FMO5: variants seen among roughly 807,000 people sequenced by gnomAD.
FMO5 encodes the protein flavin-containing monooxygenase 5.
A neutral mutation model predicts 43.6 loss-of-function variants in FMO5; 51 were observed. That is an observed-to-expected ratio of 1.17 (90% CI 0.93 to 1.48). The LOEUF is 1.48. Ranked by LOEUF, FMO5 falls within the 40% of genes most tolerant of loss-of-function variation. The probability of loss-of-function intolerance (pLI) is 0.00; values close to 1 mark genes in which losing one functional copy is unlikely to be tolerated. For synonymous variants in FMO5, 187 were observed against 216.5 expected, an observed-to-expected ratio of 0.86 and a Z score of 1.20; for missense variants, 644 against 643.0, an observed-to-expected ratio of 1.00 and a Z score of -0.02.
chr1:147,190,968 A>G (rs782762815), intron 7 of FMO5, among the ~76,000 whole-genome samples: 3 of 152,006 alleles, frequency 2.0e-5, no homozygotes, highest in African/African-American at 4.8e-5. Context: ...TTTGCTGAGA[A>G]TGATGGTTTC....
intron 7 of FMO5, 100 bp downstream of exon 7, chr1:147,201,052 G>T: frequency 2.4e-6 from 2 of 833,230 alleles, no homozygotes; most frequent in Non-Finnish European, 1.9e-6. Flanking sequence ...AGGCACTGTT[G>T]TAATCATACA....
chr1:147,209,144 G>A (rs1474195382), intron 5 of FMO5, 93 bp from the exon 6 acceptor site: 5 of 1,095,238 alleles, frequency 4.6e-6, no homozygotes, highest in Non-Finnish European at 6.5e-6. Context: ...TTCAGGCCCG[G>A]CGCGGTGGCT....
intron 3 of FMO5, among the ~76,000 whole-genome samples, chr1:147,214,605 C>A (rs587750972): frequency 6.6e-4 from 100 of 152,232 alleles, no homozygotes; most frequent in African/African-American, 2.3e-3. Context: ...TAGACTCCTA[C>A]TCATCCTTCA....
intron 2 of FMO5, chr1:147,223,551 G>C (rs1440268001): frequency 6.5e-6 from 1 of 153,518 alleles, no homozygotes; most frequent in East Asian, 1.9e-4. Context: ...AGCCACCCAA[G>C]ATGCCAATAG....
intron 7 of FMO5, among the ~76,000 whole-genome samples, chr1:147,198,332 C>T (rs1658357908): frequency 6.6e-6 from 1 of 152,124 alleles, no homozygotes; most frequent in Admixed American, 6.5e-5. Context: ...GGCAAATAAA[C>T]ATGAGTCCTT....
upstream of FMO5, among the ~76,000 whole-genome samples, chr1:147,226,723 T>C (rs1664007152): frequency 6.6e-6 from 1 of 152,236 alleles, no homozygotes; most frequent in Admixed American, 6.5e-5. Context: ...CCTGCTAATC[T>C]TGGACTTTTT....
chr1:147,223,073 C>T (rs1233621275), intron 2 of FMO5, among the ~76,000 whole-genome samples: 1 of 152,128 alleles, frequency 6.6e-6, no homozygotes, highest in Non-Finnish European at 1.5e-5. Context: ...TATTATTATC[C>T]ACTTCTTAAA....
At chr1:147,187,645 CTA>C in intron 8 of FMO5, among the ~76,000 whole-genome samples, 1 of 152,260 alleles carries the variant, frequency 6.6e-6, no homozygotes, top group East Asian at 1.9e-4. Context: ...ATGGCATCCT[CTA>C]TTATTTGATG....
intron 5 of FMO5, chr1:147,210,837 A>G (rs930509969): frequency 5.9e-5 from 9 of 152,220 alleles, no homozygotes; most frequent in African/African-American, 1.9e-4. Context: ...ACATTTACAA[A>G]TCAGATTTAT....
intron 1 of FMO5, 25 bp downstream of exon 1, chr1:147,225,262 G>A: frequency 8.7e-7 from 1 of 1,147,630 alleles, no homozygotes. Flanking sequence ...AGCTGAGAGT[G>A]CTCTGCTGCG....
intron 6 of FMO5, among the ~76,000 whole-genome samples, chr1:147,205,789 G>T (rs1333486057): frequency 6.6e-6 from 1 of 152,056 alleles, no homozygotes; most frequent in Non-Finnish European, 1.5e-5. Context: ...AGACTTAAAT[G>T]TTAGACCTAA....
Position 147,195,459 on chromosome 1 carries a change from C to T in FMO5, c.1184-5210G>A, listed in dbSNP as rs1657816721. On this transcript the variant is annotated intron_variant, in intron 7 of 8. Coordinates refer to ENST00000254090, the MANE Select transcript of FMO5 (RefSeq NM_001461.4). ...AAATAAATCTTAATCACATTTTATG[C>T]CTAAAGTCCTGTGGAAGATAAGCTT... 3.9e-5 allele frequency among the ~76,000 whole-genome samples: 6 copies of T among 152,132 alleles called. No homozygotes were observed. The South Asian group carries it at 1.2e-3, about 32-fold the overall frequency.
upstream of FMO5, among the ~76,000 whole-genome samples, chr1:147,227,025 C>A (rs1480115375): frequency 6.6e-6 from 1 of 152,106 alleles, no homozygotes; most frequent in Non-Finnish European, 1.5e-5. Flanking sequence ...AATGAGGTTT[C>A]ACTATGTTGC....
chr1:147,195,288 C>T (rs1420788968), intron 7 of FMO5, among the ~76,000 whole-genome samples: 1 of 151,844 alleles, frequency 6.6e-6, no homozygotes, highest in African/African-American at 2.4e-5. Context: ...CCTACCAAAC[C>T]CAAATAATTT....
At chr1:147,201,988 A>G (rs1553921112) in intron 6 of FMO5, among the ~76,000 whole-genome samples, 2 of 152,210 alleles carry the variant, frequency 1.3e-5, no homozygotes, top group Non-Finnish European at 2.9e-5. Flanking sequence ...TTTTACATGC[A>G]TTAACTTGAC....
At chr1:147,194,841 T>C (rs1657657511) in intron 7 of FMO5, among the ~76,000 whole-genome samples, 1 of 152,186 alleles carries the variant, frequency 6.6e-6, no homozygotes, top group South Asian at 2.1e-4. Context: ...TGGCCCCCAC[T>C]CTCTTCTGGC....
At chr1:147,212,604 GT>G (rs758203330) in intron 4 of FMO5, 69 bp from the exon 5 acceptor site, 21 of 1,431,038 alleles carry the variant, frequency 1.5e-5, no homozygotes, top group South Asian at 9.2e-5. Flanking sequence ...CAAGTCATTT[GT>G]TTTTTTTGCA....
In FMO5 at chr1:147,186,470, A is replaced by C. The variant is rs1655637978; in HGVS notation, c.*430T>G. 1.0e-6 allele frequency: 1 copy of C among 972,284 alleles called. No homozygotes were observed. The highest frequency in any genetic ancestry group is 6.0e-5 in the Admixed American group (1 of 16,746). The allele number at this position is 972,284 out of a possible 1,614,324, so 60.2% of individuals were successfully genotyped here. On this transcript the variant is annotated 3_prime_UTR_variant, in exon 9 of 9. Transcript: ENST00000254090. Reference sequence around the variant, plus strand: ...ATATTTAGTTATAATATGAAAAAAAACTAAAATTGAGCTTCTAATAGAAAA... The same window carrying C: ...ATATTTAGTTATAATATGAAAAAAACCTAAAATTGAGCTTCTAATAGAAAA...
chr1:147,196,646 CTG>C lies in FMO5; in HGVS notation c.1183+4504_1183+4505del, dbSNP rs1553919894. 3.3e-5 allele frequency among the ~76,000 whole-genome samples: 5 copies of C among 151,804 alleles called. No individual in the cohort carries two copies. The South Asian group carries it at 1.0e-3, about 32-fold the overall frequency. On this transcript the variant is annotated intron_variant, in intron 7 of 8. Transcript: ENST00000254090. ...GTATACATCTTTTTACGTGTATACT[CTG>C]TGGTACAGTTATGTCTTAATTCATA...
Sources: gnomAD v4.1 joint callset for allele counts (sites outside exome capture counted in the v4.1 genomes callset) on GRCh38, gnomAD v4.1.1 for gene constraint, MANE v1.5 for transcripts, NCBI Gene and HGNC (gene_info 2026-07-23, HGNC 2026-07-21) for gene names.